Variants in CDH5 observed in about 807,000 individuals in gnomAD.
CDH5 encodes the protein cadherin 5, also known as cadherin-5.
In CDH5, 28 loss-of-function variants were observed where a neutral mutation model predicts 62.0. The ratio of observed to expected loss-of-function variants is 0.45; its 90% CI spans 0.33 to 0.62. The LOEUF (loss-of-function observed/expected upper bound fraction) is 0.62. Ranked by LOEUF, CDH5 falls within the 20% of genes least tolerant of loss-of-function variation. The pLI, the probability that CDH5 is intolerant of heterozygous loss-of-function variation, is 0.02. For missense variants in CDH5, 940 were observed against 1,065.1 expected, an observed-to-expected ratio of 0.88 and a Z score of 1.63; for synonymous variants, 464 against 445.8, an observed-to-expected ratio of 1.04 and a Z score of -0.52.
Position 66,402,951 on chromosome 16 carries a change from A to C in CDH5, c.2137A>C (p.Lys713Gln), listed in dbSNP as rs747600854. The C allele has an allele frequency of 2.5e-6, 4 of 1,612,654 alleles. No individual in the cohort carries two copies. In the Admixed American group the frequency reaches 5.0e-5, roughly 20 times the overall value. The change falls in exon 12 of 12, where the codon AAG becomes CAG. Residue 713 changes from lysine to glutamine, a missense_variant. Physicochemically the swap from Lys to Gln is moderately conservative, Grantham distance 53. Coordinates refer to ENST00000341529, the MANE Select transcript of CDH5 (RefSeq NM_001795.5). Reference sequence around the variant, plus strand: ...GATGGCAGCCATGATCGAGGTGAAGAAGGACGAGGCGGACCACGACGGCGA... The same window carrying C: ...GATGGCAGCCATGATCGAGGTGAAGCAGGACGAGGCGGACCACGACGGCGA... ...GEMAAMIEVK[K>Q]DEADHDGDGP... is the part of the protein sequence containing the mutation.
At chr16:66,378,265 T>G (rs780211542) in intron 1 of CDH5, among the ~76,000 whole-genome samples, 19 of 152,190 alleles carry the variant, frequency 1.2e-4, no homozygotes, top group Non-Finnish European at 2.6e-4. Flanking sequence ...CCATAGCAGC[T>G]GCTGGGACAA....
In CDH5 at chr16:66,392,266, A is replaced by C. The variant is rs1056239344; in HGVS notation, c.1100A>C (p.Asp367Ala). ...GTCATTATCAACATCACAGATGTGGACGAGCCCCCCATTTTCCAGCAGCCT... is the reference window on the plus strand; with the variant it reads ...GTCATTATCAACATCACAGATGTGGCCGAGCCCCCCATTTTCCAGCAGCCT... ...AQVIINITDVDEPPIFQQPFY... is the reference protein window; with the variant it reads ...AQVIINITDVAEPPIFQQPFY... Residue 367 changes from aspartate (D) to alanine (A), a missense_variant, in exon 7 of 12, where the codon GAC becomes GCC. Coordinates refer to ENST00000341529, the MANE Select transcript of CDH5 (RefSeq NM_001795.5). 3 of 1,614,058 alleles carry C rather than the reference A, an allele frequency of 1.9e-6. No homozygotes were observed. In the East Asian group the frequency reaches 6.7e-5, roughly 36 times the overall value.
chr16:66,393,981 A>G (rs1961132074), intron 7 of CDH5, among the ~76,000 whole-genome samples: 2 of 152,012 alleles, frequency 1.3e-5, no homozygotes, highest in Non-Finnish European at 2.9e-5. Flanking sequence ...TTCTCCTTTG[A>G]TCCAAGGGTT....
chr16:66,388,270 G>A lies in CDH5; in HGVS notation c.500-54G>A, dbSNP rs1961020859. 4 of 1,100,614 alleles carry A rather than the reference G, an allele frequency of 3.6e-6. No homozygotes were observed. In the Admixed American group the frequency reaches 6.8e-5, roughly 19 times the overall value. 68.2% of individuals were successfully genotyped at this position (1,100,614 alleles called of 1,614,324 possible). ...CCCCATCTGCTCTGTTCCAGGAATG[G>A]GGTAAGGGGCCTAGCAGTCACAAGT... On this transcript the variant is annotated intron_variant, in intron 3 of 11. Coordinates refer to ENST00000341529, the MANE Select transcript of CDH5 (RefSeq NM_001795.5).
intron 2 of CDH5, among the ~76,000 whole-genome samples, chr16:66,381,795 C>G (rs1344732548): frequency 6.6e-6 from 1 of 152,220 alleles, no homozygotes; most frequent in African/African-American, 2.4e-5. Flanking sequence ...TGGAACACAG[C>G]CACACTCATT....
intron 7 of CDH5, among the ~76,000 whole-genome samples, chr16:66,394,285 T>A (rs1401088757): frequency 6.6e-6 from 1 of 152,246 alleles, no homozygotes; most frequent in African/African-American, 2.4e-5. Context: ...TTGTTAGTCC[T>A]GTTTTCATGT....
chr16:66,400,821 A>G lies in CDH5; in HGVS notation c.1642A>G (p.Thr548Ala), dbSNP rs1233661352. 6.2e-7 allele frequency: 1 copy of G among 1,614,088 alleles called. No homozygotes were observed. The highest frequency in any genetic ancestry group is 1.3e-5 in the African/African-American group (1 of 74,940). Residue 548 changes from threonine to alanine, a missense_variant, in exon 11 of 12, where the codon ACC becomes GCC. Physicochemically the swap from Thr to Ala is moderately conservative, Grantham distance 58. Coordinates refer to ENST00000341529, the MANE Select transcript of CDH5 (RefSeq NM_001795.5). ...VKYGQFDREH[T>A]KVHFLPVVIS... ...GTATGGGCAGTTTGACCGGGAGCAT[A>G]CCAAGGTCCACTTCCTACCCGTGGT...
intron 2 of CDH5, among the ~76,000 whole-genome samples, chr16:66,383,698 C>T (rs556964104): frequency 3.9e-5 from 6 of 152,292 alleles, no homozygotes; most frequent in African/African-American, 4.8e-5. Context: ...GGCTTCTTGC[C>T]TCTAGTCCAG....
At chr16:66,397,724 C>T (rs1961210517) in intron 8 of CDH5, among the ~76,000 whole-genome samples, 1 of 152,054 alleles carries the variant, frequency 6.6e-6, no homozygotes, top group Non-Finnish European at 1.5e-5. Context: ...AATTTAATTA[C>T]AATTTTTTTA....
intron 6 of CDH5, among the ~76,000 whole-genome samples, chr16:66,391,665 T>C (rs1961086400): frequency 6.6e-6 from 1 of 152,136 alleles, no homozygotes; most frequent in South Asian, 2.1e-4. Context: ...CCCAGCTACT[T>C]GGAAGGCTGA....
intron 1 of CDH5, chr16:66,377,460 G>A (rs1474436647): frequency 6.6e-6 from 1 of 152,254 alleles, no homozygotes; most frequent in African/African-American, 2.4e-5. Flanking sequence ...TAAAATCAGT[G>A]GGCCCAGAGG....
chr16:66,402,514 G>A (rs1477575806), intron 11 of CDH5, 138 bp from the exon 12 acceptor site: 2 of 696,568 alleles, frequency 2.9e-6, no homozygotes, highest in African/African-American at 2.1e-5. Context: ...GGGGTTGCAG[G>A]GGAAGGGGGG....
intron 1 of CDH5, among the ~76,000 whole-genome samples, chr16:66,368,199 G>A (rs763984778): frequency 6.6e-6 from 1 of 152,154 alleles, no homozygotes; most frequent in South Asian, 2.1e-4. Flanking sequence ...GGTGTACCTG[G>A]AAGGCTCTTT....
At position 66,386,981 on chromosome 16, in the gene CDH5, G is replaced by A; in HGVS notation, c.383G>A (p.Gly128Asp). Reference sequence around the variant, plus strand: ...GCTGTCATTGTGGACAAGGACACTGGCGAAAACCTGGAGACTCCTTCCAGC... The same window carrying A: ...GCTGTCATTGTGGACAAGGACACTGACGAAAACCTGGAGACTCCTTCCAGC... Reference protein sequence around the residue: ...LTAVIVDKDTGENLETPSSFT... With the variant: ...LTAVIVDKDTDENLETPSSFT... Residue 128 changes from glycine to aspartate, a missense_variant, in exon 3 of 12, where the codon GGC becomes GAC. Coordinates refer to ENST00000341529, the MANE Select transcript of CDH5 (RefSeq NM_001795.5). 1.2e-6 allele frequency: 2 copies of A among 1,614,150 alleles called. No individual in the cohort carries two copies. Among genetic ancestry groups the A allele is most frequent in the Non-Finnish European group, 1.7e-6 (2 of 1,180,036 alleles).
intron 8 of CDH5, among the ~76,000 whole-genome samples, chr16:66,397,418 C>T (rs762691403): frequency 1.5e-4 from 23 of 152,120 alleles, no homozygotes; most frequent in Non-Finnish European, 3.1e-4. Flanking sequence ...GATGGGGTCT[C>T]ACCATGTTTC....
chr16:66,384,078 CTTT>C (rs35435487), intron 2 of CDH5, among the ~76,000 whole-genome samples: 1 of 71,350 alleles, frequency 1.4e-5, no homozygotes, highest in Non-Finnish European at 2.5e-5. Flanking sequence ...GGAGTCCAGC[CTTT>C]TTTTTTTTTT....
chr16:66,390,100 C>T (rs1202929742), intron 5 of CDH5, among the ~76,000 whole-genome samples: 1 of 152,212 alleles, frequency 6.6e-6, no homozygotes, highest in Admixed American at 6.5e-5. Flanking sequence ...AAGTGGCTTC[C>T]TCGTACATGG....
At chr16:66,384,524 A>G (rs933695942) in intron 2 of CDH5, among the ~76,000 whole-genome samples, 6 of 152,036 alleles carry the variant, frequency 3.9e-5, no homozygotes, top group Non-Finnish European at 8.8e-5. Context: ...AGGCCAAGGC[A>G]GGAGAATTGC....
At chr16:66,384,661 CAAAAAAAAAA>C (rs10630303) in intron 2 of CDH5, among the ~76,000 whole-genome samples, 1 of 101,600 alleles carries the variant, frequency 9.8e-6, no homozygotes, top group African/African-American at 4.0e-5. Context: ...GTACCTGTCT[CAAAAAAAAAA>C]AAAAAAAAAA....
Sources: gnomAD v4.1 joint callset for allele counts (sites outside exome capture counted in the v4.1 genomes callset) on GRCh38, gnomAD v4.1.1 for gene constraint, MANE v1.5 for transcripts, NCBI Gene and HGNC (gene_info 2026-07-23, HGNC 2026-07-21) for gene names.